RNF2: variants seen among roughly 807,000 people sequenced by gnomAD.
RNF2 encodes E3 ubiquitin-protein ligase RING2.
RNF2 carries 6 observed loss-of-function variants against 37.2 expected under a neutral mutation model. That is an observed-to-expected ratio of 0.16 (90% confidence interval 0.09 to 0.32). The LOEUF is 0.32. RNF2 is among the 10% of genes least tolerant of loss of function. The pLI is 1.00. For missense variants in RNF2, 251 were observed against 404.0 expected (o/e 0.62, Z 3.25); for synonymous variants, 133 against 132.7 (o/e 1.00, Z -0.02).
chr1:185,072,906 C>T (rs908556374), intron 1 of RNF2, among the ~76,000 whole-genome samples: 1 of 152,136 alleles, frequency 6.6e-6, no homozygotes, highest in African/African-American at 2.4e-5. Context: ...TGCCACTGCA[C>T]TCCAGTCTGG....
intron 1 of RNF2, among the ~76,000 whole-genome samples, chr1:185,066,140 A>G (rs1228476860): frequency 6.6e-6 from 1 of 151,946 alleles, no homozygotes; most frequent in African/African-American, 2.4e-5. Flanking sequence ...ACAGATTAGG[A>G]TTCTTGATTT....
chr1:185,092,893 A>C (rs1477895938), intron 3 of RNF2, among the ~76,000 whole-genome samples, 168 bp from the exon 4 acceptor site: 3 of 152,122 alleles, frequency 2.0e-5, no homozygotes, highest in Non-Finnish European at 4.4e-5. Context: ...AATCTTGCTT[A>C]CCCACTAGTC....
At chr1:185,054,179 C>T (rs1650359218) in intron 1 of RNF2, among the ~76,000 whole-genome samples, 1 of 152,210 alleles carries the variant, frequency 6.6e-6, no homozygotes, top group African/African-American at 2.4e-5. Flanking sequence ...ATTATCCACT[C>T]CTGGTAGAGC....
intron 1 of RNF2, among the ~76,000 whole-genome samples, chr1:185,072,650 A>G (rs1651012732): frequency 6.6e-6 from 1 of 152,090 alleles, no homozygotes; most frequent in African/African-American, 2.4e-5. Flanking sequence ...AAGATGGCAG[A>G]TGTGGCTAAA....
intron 1 of RNF2, among the ~76,000 whole-genome samples, chr1:185,085,757 G>A (rs539641894): frequency 2.0e-4 from 30 of 151,976 alleles, no homozygotes; most frequent in East Asian, 7.8e-4. Flanking sequence ...GGGTTCAAGC[G>A]ATTCTCCTAC....
Position 185,101,832 on chromosome 1 carries a change from G to GTTTTTTTTTTTTT in RNF2, c.*1541_*1553dup, listed in dbSNP as rs768356678. The GTTTTTTTTTTTTT allele has an allele frequency of 9.6e-4, 94 of 97,862 alleles. 1 individual carries two copies. The highest frequency in any genetic ancestry group is 1.7e-3 in the African/African-American group (43 of 24,666). The allele number at this position is 97,862 out of a possible 1,614,324, so 6.1% of individuals were successfully genotyped here. The stretch of plus-strand genomic sequence containing the variant: ...AATATTTAAAATCTGTTTTTACAGG[G>GTTTTTTTTTTTTT]TTTTTTTTTTTTTTTTTTTTTTGTA... On this transcript the variant is annotated 3_prime_UTR_variant, in exon 7 of 7. Transcript: ENST00000367510.
chr1:185,086,087 C>T (rs1651588977), intron 1 of RNF2, among the ~76,000 whole-genome samples: 1 of 152,072 alleles, frequency 6.6e-6, no homozygotes, highest in South Asian at 2.1e-4. Flanking sequence ...CCTTTAAGCT[C>T]TGTTGGATTG....
chr1:185,089,687 GC>G (rs1322833617), intron 2 of RNF2, among the ~76,000 whole-genome samples: 3 of 152,110 alleles, frequency 2.0e-5, no homozygotes, highest in African/African-American at 7.2e-5. Flanking sequence ...GAGAAATGGA[GC>G]AAAAACTGGA....
At chr1:185,094,580 C>T (rs1170493126) in intron 4 of RNF2, among the ~76,000 whole-genome samples, 1 of 152,080 alleles carries the variant, frequency 6.6e-6, no homozygotes, top group Non-Finnish European at 1.5e-5. Context: ...AGTAAGTTCC[C>T]AACTGGTTTT....
intron 1 of RNF2, among the ~76,000 whole-genome samples, chr1:185,075,858 A>G (rs912715405): frequency 5.3e-5 from 8 of 152,246 alleles, no homozygotes; most frequent in African/African-American, 1.9e-4. Flanking sequence ...CATATCAACT[A>G]AATATTAGTC....
intron 1 of RNF2, among the ~76,000 whole-genome samples, chr1:185,047,360 T>G (rs1030294677): frequency 6.6e-6 from 1 of 152,232 alleles, no homozygotes; most frequent in African/African-American, 2.4e-5. Context: ...TTCAAAATAC[T>G]GGGAATTTGG....
intron 1 of RNF2, among the ~76,000 whole-genome samples, chr1:185,061,660 T>C (rs1256582999): frequency 3.9e-5 from 6 of 152,192 alleles, no homozygotes; most frequent in Admixed American, 2.0e-4. Context: ...TGAATTTTAA[T>C]ATGCAGTATA....
Position 185,054,695 on chromosome 1 carries a change from A to AT in RNF2, c.-3+9052dup, listed in dbSNP as rs1015461625. Among the ~76,000 whole-genome samples, 18 of 152,098 alleles carry AT rather than the reference A, an allele frequency of 1.2e-4. No individual in the cohort carries two copies. The South Asian group carries it at 2.7e-3, about 23-fold the overall frequency. ...AATCTTTCTTTGTGGGTTTTTTAAA[A>AT]TTTTTTATTATTTTTTTCAGTTTTA... On this transcript the variant is annotated intron_variant, in intron 1 of 6. Transcript: ENST00000367510.
At chr1:185,066,948 T>C (rs778223466) in intron 1 of RNF2, among the ~76,000 whole-genome samples, 2 of 152,200 alleles carry the variant, frequency 1.3e-5, no homozygotes, top group Non-Finnish European at 2.9e-5. Context: ...AAGGAAGCTT[T>C]AAAAATCTTA....
rs376237385 is a variant in RNF2 at position 185,100,305 on chromosome 1, T to C, written c.*4T>C. 2 of 1,590,180 alleles carry C rather than the reference T, an allele frequency of 1.3e-6. No homozygotes were observed. The highest frequency in any genetic ancestry group is 4.5e-5 in the East Asian group (2 of 44,580). ...ACCTACAAAGGAGCACAAATGAGCCTTTAAAAACCAATTCTGAGACTGAAC... is the reference window on the plus strand; with the variant it reads ...ACCTACAAAGGAGCACAAATGAGCCCTTAAAAACCAATTCTGAGACTGAAC... On this transcript the variant is annotated 3_prime_UTR_variant, in exon 7 of 7. Coordinates refer to ENST00000367510, the MANE Select transcript of RNF2 (RefSeq NM_007212.4).
intron 1 of RNF2, among the ~76,000 whole-genome samples, chr1:185,081,887 T>C (rs1571316138): frequency 6.6e-6 from 1 of 152,310 alleles, no homozygotes; most frequent in East Asian, 1.9e-4. Flanking sequence ...AAAACTGTAG[T>C]GGATCAGAAA....
chr1:185,052,458 C>T (rs1206679273), intron 1 of RNF2, among the ~76,000 whole-genome samples: 1 of 152,170 alleles, frequency 6.6e-6, no homozygotes, highest in Non-Finnish European at 1.5e-5. Flanking sequence ...GTGAATGAAA[C>T]CAGCCACAAA....
At chr1:185,047,518 T>A (rs1650153844) in intron 1 of RNF2, among the ~76,000 whole-genome samples, 1 of 152,242 alleles carries the variant, frequency 6.6e-6, no homozygotes, top group South Asian at 2.1e-4. Context: ...GATTTGTGTT[T>A]ATATTATGCA....
rs567919137 is a variant in RNF2 at position 185,053,174 on chromosome 1, C to T, written c.-3+7525C>T. Reference sequence around the variant, plus strand: ...TCTCCAGGTTTTATCTCATTTAATCCTTTATTAAGGAAGGTATTATTGTTA... The same window carrying T: ...TCTCCAGGTTTTATCTCATTTAATCTTTTATTAAGGAAGGTATTATTGTTA... On this transcript the variant is annotated intron_variant, in intron 1 of 6. Transcript: ENST00000367510. Among the ~76,000 whole-genome samples the T allele has an allele frequency of 2.6e-5, 4 of 152,148 alleles. No individual in the cohort carries two copies. In the South Asian group the frequency reaches 8.3e-4, roughly 32 times the overall value.
Sources: allele counts gnomAD v4.1 joint callset (sites outside exome capture counted in the v4.1 genomes callset), GRCh38; gene constraint gnomAD v4.1.1; transcripts MANE v1.5; gene names NCBI Gene and HGNC (gene_info 2026-07-23, HGNC 2026-07-21).